The following KCNT2 variants were observed in gnomAD, a reference collection of about 807,000 sequenced individuals.
KCNT2 encodes potassium sodium-activated channel subfamily T member 2.
A neutral mutation model predicts 153.8 loss-of-function variants in KCNT2; 67 were observed. The observed-to-expected ratio is 0.44, with a 90% CI of 0.36 to 0.53. The LOEUF is 0.53. Among genes scored for constraint, KCNT2 ranks in the 20% least tolerant of loss-of-function variants. The pLI is 0.00. For synonymous variants in KCNT2, 500 were observed against 458.8 expected, an observed-to-expected ratio of 1.09 and a Z score of -1.15; for missense variants, 975 against 1,354.8, an observed-to-expected ratio of 0.72 and a Z score of 4.40.
intron 5 of KCNT2, among the ~76,000 whole-genome samples, chr1:196,471,407 TATGCC>T (rs1267376478): frequency 4.6e-5 from 7 of 152,340 alleles, no homozygotes; most frequent in Middle Eastern, 6.8e-3. Context: ...TAGTCATAGT[TATGCC>T]ATGTTTTTTT....
intron 1 of KCNT2, among the ~76,000 whole-genome samples, chr1:196,503,893 C>T (rs1680899189): frequency 6.6e-6 from 1 of 152,080 alleles, no homozygotes; most frequent in Admixed American, 6.5e-5. Flanking sequence ...GGGCACAGCT[C>T]ACTGGAACAC....
intron 5 of KCNT2, among the ~76,000 whole-genome samples, chr1:196,475,567 C>T (rs1378704992): frequency 2.6e-5 from 4 of 151,724 alleles, no homozygotes; most frequent in Non-Finnish European, 4.4e-5. Context: ...ACAATCACGC[C>T]ACTGCACTCC....
chr1:196,566,063 T>C (rs1572848717), intron 1 of KCNT2, among the ~76,000 whole-genome samples: 1 of 151,984 alleles, frequency 6.6e-6, no homozygotes, highest in East Asian at 1.9e-4. Flanking sequence ...TTGTAAACGA[T>C]AAATATATAC....
chr1:196,400,150 A>T (rs1232322273), intron 12 of KCNT2, among the ~76,000 whole-genome samples: 1 of 151,764 alleles, frequency 6.6e-6, no homozygotes. Context: ...ACTAAGATTC[A>T]TCAAGTGAAT....
intron 11 of KCNT2, among the ~76,000 whole-genome samples, chr1:196,424,871 GAC>G (rs532251977): frequency 1.3e-5 from 2 of 149,314 alleles, no homozygotes; most frequent in African/African-American, 2.5e-5. Context: ...CCACTAGACA[GAC>G]ACACACACAC....
chr1:196,351,916 G>A (rs529822108), intron 14 of KCNT2, among the ~76,000 whole-genome samples: 7 of 151,950 alleles, frequency 4.6e-5, no homozygotes, highest in Admixed American at 2.0e-4. Flanking sequence ...TAGCATGAAG[G>A]GTTGTTGAAT....
chr1:196,340,814 A>G (rs1207765995), intron 15 of KCNT2, among the ~76,000 whole-genome samples: 3 of 152,090 alleles, frequency 2.0e-5, no homozygotes, highest in South Asian at 4.1e-4. Context: ...ACATGAGTGC[A>G]TGTATACACT....
intron 1 of KCNT2, among the ~76,000 whole-genome samples, chr1:196,526,103 C>T (rs1654160587): frequency 6.6e-6 from 1 of 151,550 alleles, no homozygotes; most frequent in Non-Finnish European, 1.5e-5. Flanking sequence ...GACACAGTCC[C>T]TGACTTTGTG....
intron 1 of KCNT2, among the ~76,000 whole-genome samples, chr1:196,595,131 T>G (rs929807170): frequency 9.9e-5 from 15 of 151,664 alleles, no homozygotes; most frequent in African/African-American, 3.6e-4. Flanking sequence ...TAAGATAGGA[T>G]GAAACTGTAC....
At chr1:196,398,490 C>G in intron 13 of KCNT2, 73 bp downstream of exon 13, 1 of 717,848 alleles carries the variant, frequency 1.4e-6, no homozygotes, top group East Asian at 2.7e-5. Context: ...CCACTTAGTT[C>G]AGAGACTTAA....
At chr1:196,566,599 G>T (rs140358687) in intron 1 of KCNT2, among the ~76,000 whole-genome samples, 208 of 151,870 alleles carry the variant, frequency 1.4e-3, no homozygotes, top group African/African-American at 4.8e-3. Context: ...GAGAGAGAAT[G>T]GACAAAAAGG....
chr1:196,330,731 T>C (rs1382439867), intron 18 of KCNT2, among the ~76,000 whole-genome samples: 2 of 152,038 alleles, frequency 1.3e-5, no homozygotes, highest in Admixed American at 6.6e-5. Context: ...GCTTTCACTT[T>C]AGTCATAAAT....
chr1:196,428,583 C>T (rs1673856293), intron 9 of KCNT2, among the ~76,000 whole-genome samples: 2 of 152,036 alleles, frequency 1.3e-5, no homozygotes, highest in Non-Finnish European at 2.9e-5. Context: ...AGCCTCATTG[C>T]TATTTTCCCA....
intron 25 of KCNT2, among the ~76,000 whole-genome samples, chr1:196,263,921 G>A (rs190044948): frequency 3.9e-5 from 6 of 151,902 alleles, no homozygotes; most frequent in Admixed American, 1.3e-4. Context: ...CCTCTTTGAT[G>A]ACTTGGTTTT....
At chr1:196,410,313 GT>G (rs1672184937) in intron 12 of KCNT2, among the ~76,000 whole-genome samples, 1 of 149,472 alleles carries the variant, frequency 6.7e-6, no homozygotes, top group South Asian at 2.1e-4. Flanking sequence ...CTATGCATAA[GT>G]TTATTGCTTT....
chr1:196,542,761 A>C (rs1350194121), intron 1 of KCNT2, among the ~76,000 whole-genome samples: 2 of 152,152 alleles, frequency 1.3e-5, no homozygotes, highest in Non-Finnish European at 2.9e-5. Flanking sequence ...CTATGGGAAA[A>C]TGGCAATAAA....
chr1:196,324,130 T>C (rs1572038898), intron 19 of KCNT2, among the ~76,000 whole-genome samples: 3 of 152,024 alleles, frequency 2.0e-5, no homozygotes, highest in Admixed American at 2.0e-4. Flanking sequence ...AGCGTGAACT[T>C]TCAACCTAAC....
chr1:196,589,254 T>C (rs1160638778), intron 1 of KCNT2, among the ~76,000 whole-genome samples: 1 of 75,392 alleles, frequency 1.3e-5, no homozygotes, highest in African/African-American at 2.9e-5. Context: ...TCACTATATA[T>C]ATAAAAAAAA....
intron 14 of KCNT2, among the ~76,000 whole-genome samples, chr1:196,349,278 T>C (rs1488563100): frequency 2.0e-5 from 3 of 152,150 alleles, no homozygotes; most frequent in African/African-American, 4.8e-5. Flanking sequence ...ATTTCAGATC[T>C]CCCATTCCTA....
Sources: gnomAD v4.1 joint callset for allele counts (sites outside exome capture counted in the v4.1 genomes callset) on GRCh38, gnomAD v4.1.1 for gene constraint, MANE v1.5 for transcripts, NCBI Gene and HGNC (gene_info 2026-07-23, HGNC 2026-07-21) for gene names.